B3GAT2: variants seen among roughly 807,000 people sequenced by gnomAD.
The protein encoded by B3GAT2 is beta-1,3-glucuronyltransferase 2.
B3GAT2 carries 26 observed loss-of-function variants against 27.8 expected under a neutral mutation model. The observed-to-expected ratio is 0.93, with a 90% CI of 0.68 to 1.30. B3GAT2 has a LOEUF of 1.30. B3GAT2 is among the 50% of genes most tolerant of loss of function. The pLI, the probability that B3GAT2 is intolerant of heterozygous loss-of-function variation, is 0.00. For synonymous variants in B3GAT2, 218 were observed against 195.1 expected (o/e 1.12, Z -0.98); for missense variants, 458 against 459.0 (o/e 1.00, Z 0.02).
chr6:70,910,658 T>C (rs1201695992), intron 1 of B3GAT2, among the ~76,000 whole-genome samples: 8 of 152,354 alleles, frequency 5.3e-5, no homozygotes, highest in African/African-American at 1.7e-4. Context: ...GTCTTTATGG[T>C]AGAATGATTT....
chr6:70,951,238 C>A (rs1765574233), intron 1 of B3GAT2, among the ~76,000 whole-genome samples: 1 of 152,162 alleles, frequency 6.6e-6, no homozygotes, highest in East Asian at 1.9e-4. Flanking sequence ...TTGAATACCA[C>A]CTGAAATAGT....
chr6:70,894,065 C>T (rs751787230), intron 2 of B3GAT2, 63 bp downstream of exon 2: 60 of 1,417,156 alleles, frequency 4.2e-5, no homozygotes, highest in African/African-American at 2.0e-4. Flanking sequence ...TCTAGTGCAT[C>T]GTTATAAACA....
At position 70,956,408 on chromosome 6, in the gene B3GAT2, G is replaced by A; in HGVS notation, c.22C>T (p.Arg8Cys). The change falls in exon 1 of 4, where the codon CGC (arginine) becomes TGC (cysteine). Residue 8 changes from arginine (R) to cysteine (C), a missense_variant. Arg to Cys is a radical substitution (Grantham distance 180). Coordinates refer to ENST00000230053, the MANE Select transcript of B3GAT2 (RefSeq NM_080742.3). Reference sequence around the variant, plus strand: ...ATCCAGGGCAGGAGGATAAAGAAGCGGGTGAAAAGCGCGGACTTCATGGTG... The same window carrying A: ...ATCCAGGGCAGGAGGATAAAGAAGCAGGTGAAAAGCGCGGACTTCATGGTG... MKSALFT[R>C]FFILLPWILI... is the part of the protein sequence containing the mutation. The A allele has an allele frequency of 2.6e-6, 4 of 1,552,012 alleles. No individual in the cohort carries two copies. Among genetic ancestry groups the A allele is most frequent in the Non-Finnish European group, 3.5e-6 (4 of 1,147,188 alleles).
intron 1 of B3GAT2, among the ~76,000 whole-genome samples, chr6:70,904,925 C>T (rs1470458390): frequency 6.6e-6 from 1 of 151,842 alleles, no homozygotes; most frequent in Non-Finnish European, 1.5e-5. Flanking sequence ...TTTGGCATCA[C>T]CATAAAAAAA....
intron 2 of B3GAT2, among the ~76,000 whole-genome samples, chr6:70,884,233 C>T (rs910362442): frequency 5.9e-5 from 9 of 152,122 alleles, no homozygotes; most frequent in African/African-American, 1.7e-4. Context: ...CATTTTGATG[C>T]GAAGCCATGG....
At chr6:70,904,170 G>A (rs1273649368) in intron 1 of B3GAT2, among the ~76,000 whole-genome samples, 1 of 152,132 alleles carries the variant, frequency 6.6e-6, no homozygotes, top group Non-Finnish European at 1.5e-5. Flanking sequence ...CCACTTACAT[G>A]AAATTCTAGA....
In B3GAT2 at chr6:70,861,714, AT is replaced by A. The variant is rs1310007257; in HGVS notation, c.920del (p.Asn307IlefsTer2). ...LVWHTRTEKV[N>X]LANEPKYHLD... is the part of the protein sequence containing the mutation. ...GGTGGTACTTTGGCTCGTTGGCTAG[AT>A]TAACCTTCTCTGTCCGAGTGTGCCA... On this transcript the variant is annotated frameshift_variant, in exon 4 of 4. Transcript: ENST00000230053. LOFTEE classifies it high-confidence loss of function. The A allele has an allele frequency of 5.0e-6, 8 of 1,614,014 alleles. No individual in the cohort carries two copies. Among genetic ancestry groups the A allele is most frequent in the Non-Finnish European group, 5.9e-6 (7 of 1,179,994 alleles).
intron 1 of B3GAT2, among the ~76,000 whole-genome samples, chr6:70,914,065 T>G (rs1772729733): frequency 6.6e-6 from 1 of 152,222 alleles, no homozygotes; most frequent in Non-Finnish European, 1.5e-5. Flanking sequence ...ACCTTTATTT[T>G]GAGCCTATGG....
chr6:70,878,727 T>A (rs548995681), intron 2 of B3GAT2, among the ~76,000 whole-genome samples: 1 of 152,208 alleles, frequency 6.6e-6, no homozygotes, highest in Non-Finnish European at 1.5e-5. Flanking sequence ...TTCCTCTAAT[T>A]GTTGAAAAGG....
At chr6:70,920,369 T>C (rs1269547397) in intron 1 of B3GAT2, among the ~76,000 whole-genome samples, 2 of 152,210 alleles carry the variant, frequency 1.3e-5, no homozygotes, top group African/African-American at 4.8e-5. Context: ...CCCTGACCCC[T>C]TGCACTTCCT....
At position 70,857,713 on chromosome 6, in the gene B3GAT2, A is replaced by G. The variant is rs1771491242; in HGVS notation, c.*3950T>C. On this transcript the variant is annotated 3_prime_UTR_variant, in exon 4 of 4. Coordinates refer to ENST00000230053, the MANE Select transcript of B3GAT2 (RefSeq NM_080742.3). Reference sequence around the variant, plus strand: ...TGATTTACATTTCTTAATTAAATTTACTCAGGTTAATAACTGATTTGTCTG... The same window carrying G: ...TGATTTACATTTCTTAATTAAATTTGCTCAGGTTAATAACTGATTTGTCTG... 1.8e-6 allele frequency: 1 copy of G among 568,050 alleles called. No individual in the cohort carries two copies. Among genetic ancestry groups the G allele is most frequent in the Admixed American group, 3.2e-5 (1 of 31,246 alleles). 35.2% of individuals were successfully genotyped at this position (568,050 alleles called of 1,614,324 possible).
At chr6:70,903,220 G>A (rs559060076) in intron 1 of B3GAT2, among the ~76,000 whole-genome samples, 1 of 152,030 alleles carries the variant, frequency 6.6e-6, no homozygotes, top group South Asian at 2.1e-4. Context: ...ATGGGACCAT[G>A]AACCCAAACA....
chr6:70,883,475 A>G (rs199723224), intron 2 of B3GAT2, among the ~76,000 whole-genome samples: 134 of 148,438 alleles, frequency 9.0e-4, no homozygotes, highest in African/African-American at 3.1e-3. Context: ...AAAAAAAAAA[A>G]GGGACAAATA....
chr6:70,904,397 T>G (rs1307536326), intron 1 of B3GAT2, among the ~76,000 whole-genome samples: 1 of 152,154 alleles, frequency 6.6e-6, no homozygotes, highest in Non-Finnish European at 1.5e-5. Context: ...GGTTTCAATA[T>G]GAACTCACGA....
chr6:70,954,924 G>GGGT (rs1765628567), intron 1 of B3GAT2, among the ~76,000 whole-genome samples: 1 of 150,630 alleles, frequency 6.6e-6, no homozygotes, highest in Non-Finnish European at 1.5e-5. Context: ...GCGGGGGGGG[G>GGGT]CGGTGCGCGC....
At chr6:70,950,232 A>C (rs988418070) in intron 1 of B3GAT2, among the ~76,000 whole-genome samples, 3 of 151,850 alleles carry the variant, frequency 2.0e-5, no homozygotes, top group African/African-American at 7.2e-5. Context: ...AAATAAAGAA[A>C]TATCCAGGAA....
At chr6:70,913,842 T>C (rs1246728925) in intron 1 of B3GAT2, among the ~76,000 whole-genome samples, 2 of 152,220 alleles carry the variant, frequency 1.3e-5, no homozygotes, top group Non-Finnish European at 2.9e-5. Flanking sequence ...TGTCTCTTTG[T>C]AGGTCTCTAA....
At chr6:70,913,590 T>C (rs942607891) in intron 1 of B3GAT2, among the ~76,000 whole-genome samples, 5 of 152,232 alleles carry the variant, frequency 3.3e-5, no homozygotes, top group Non-Finnish European at 7.3e-5. Flanking sequence ...TCTTGTGTTT[T>C]TAATTTGCTA....
At chr6:70,871,807 C>A (rs1771942650) in intron 2 of B3GAT2, among the ~76,000 whole-genome samples, 1 of 151,470 alleles carries the variant, frequency 6.6e-6, no homozygotes, top group Admixed American at 6.6e-5. Context: ...GATTTGAGAT[C>A]TTTCTTCTTT....
Sources: allele counts gnomAD v4.1 joint callset (sites outside exome capture counted in the v4.1 genomes callset), GRCh38; gene constraint gnomAD v4.1.1; transcripts MANE v1.5; gene names NCBI Gene and HGNC (gene_info 2026-07-23, HGNC 2026-07-21).